Variants in CDH18 observed in about 807,000 individuals in gnomAD.
The protein encoded by CDH18 is cadherin-18.
In CDH18, 31 loss-of-function variants were observed where a neutral mutation model predicts 67.9. The observed-to-expected ratio is 0.46, with a 90% CI of 0.34 to 0.62. The LOEUF (loss-of-function observed/expected upper bound fraction) is 0.62. Ranked by LOEUF, CDH18 falls within the 20% of genes least tolerant of loss-of-function variation. The pLI is 0.01. For synonymous variants in CDH18, 362 were observed against 347.2 expected (o/e 1.04, Z -0.48); for missense variants, 890 against 975.5 (o/e 0.91, Z 1.17).
At chr5:20,100,298 A>G (rs1458802751) in intron 2 of CDH18, among the ~76,000 whole-genome samples, 1 of 152,162 alleles carries the variant, frequency 6.6e-6, no homozygotes, top group Non-Finnish European at 1.5e-5. Context: ...TTTTATTTTC[A>G]GAATTCCTCT....
At chr5:19,707,296 A>C (rs1044938778) in intron 5 of CDH18, among the ~76,000 whole-genome samples, 5 of 152,176 alleles carry the variant, frequency 3.3e-5, no homozygotes, top group African/African-American at 1.2e-4. Context: ...GGTGGAAGAA[A>C]ACCTGAGGAA....
intron 2 of CDH18, among the ~76,000 whole-genome samples, chr5:20,094,851 G>A (rs569833914): frequency 1.7e-4 from 26 of 152,138 alleles, no homozygotes; most frequent in South Asian, 1.5e-3. Flanking sequence ...AAAGACACAC[G>A]CACACATATA....
At chr5:19,543,730 T>A in intron 9 of CDH18, 139 bp downstream of exon 9, 1 of 488,086 alleles carries the variant, frequency 2.0e-6, no homozygotes, top group Non-Finnish European at 3.5e-6. Flanking sequence ...TAATGAGAAA[T>A]TATATCTAAT....
intron 2 of CDH18, among the ~76,000 whole-genome samples, chr5:19,953,504 T>G (rs1795991416): frequency 1.3e-5 from 2 of 152,048 alleles, no homozygotes; most frequent in South Asian, 4.1e-4. Context: ...ATGGGCATTA[T>G]TGGTAGGCAG....
intron 2 of CDH18, among the ~76,000 whole-genome samples, chr5:20,144,666 G>A (rs1383758073): frequency 2.0e-5 from 3 of 152,092 alleles, no homozygotes; most frequent in Non-Finnish European, 4.4e-5. Context: ...CATAAATTGG[G>A]GGGAGTCAAA....
chr5:19,489,410 G>C (rs1740965994), intron 11 of CDH18, among the ~76,000 whole-genome samples: 1 of 151,820 alleles, frequency 6.6e-6, no homozygotes, highest in African/African-American at 2.4e-5. Context: ...ACCACACCTG[G>C]CTAATGTTTT....
chr5:20,005,461 T>C (rs1398358394), intron 2 of CDH18, among the ~76,000 whole-genome samples: 1 of 149,782 alleles, frequency 6.7e-6, no homozygotes, highest in Non-Finnish European at 1.5e-5. Context: ...TTCCATGAAT[T>C]GATAAATTGA....
chr5:19,869,751 G>T (rs1786019216), intron 2 of CDH18, among the ~76,000 whole-genome samples: 1 of 151,930 alleles, frequency 6.6e-6, no homozygotes, highest in African/African-American at 2.4e-5. Flanking sequence ...CATTATTGGG[G>T]CTAAAGTATT....
intron 1 of CDH18, among the ~76,000 whole-genome samples, chr5:20,533,058 C>T (rs913861761): frequency 1.3e-5 from 2 of 151,876 alleles, no homozygotes; most frequent in African/African-American, 4.8e-5. Context: ...TAGGTTTGGC[C>T]GTATTAACTC....
At chr5:20,077,777 A>G (rs1411353761) in intron 2 of CDH18, among the ~76,000 whole-genome samples, 1 of 152,180 alleles carries the variant, frequency 6.6e-6, no homozygotes, top group Admixed American at 6.6e-5. Context: ...ATCTTACCAC[A>G]CTTACCATGA....
intron 1 of CDH18, among the ~76,000 whole-genome samples, chr5:20,508,882 G>C (rs1754831963): frequency 6.6e-6 from 1 of 151,858 alleles, no homozygotes; most frequent in Admixed American, 6.6e-5. Flanking sequence ...CCAAATAATA[G>C]AAACTTAACT....
At chr5:20,283,581 AT>A (rs1353040149) in intron 1 of CDH18, among the ~76,000 whole-genome samples, 1 of 152,102 alleles carries the variant, frequency 6.6e-6, no homozygotes, top group African/African-American at 2.4e-5. Flanking sequence ...AATGGCTTTT[AT>A]CCAAAAGACA....
intron 2 of CDH18, among the ~76,000 whole-genome samples, chr5:19,923,721 T>C (rs1792762732): frequency 6.6e-6 from 1 of 152,174 alleles, no homozygotes; most frequent in African/African-American, 2.4e-5. Flanking sequence ...ACAGACAGTG[T>C]GGTTATTTGT....
chr5:19,817,799 A>G (rs1779451416), intron 3 of CDH18, among the ~76,000 whole-genome samples: 1 of 152,094 alleles, frequency 6.6e-6, no homozygotes, highest in Non-Finnish European at 1.5e-5. Context: ...GCTCAAAAAC[A>G]TTTCCTGTGA....
rs533066882 is a variant in CDH18 at position 20,070,554 on chromosome 5, T to C, written c.-517-78540A>G. On this transcript the variant is annotated intron_variant, in intron 2 of 14. Transcript: ENST00000507958. ...ATTGAAAGAATGAGTGCCGAAGAAA[T>C]GGGCAAACAATTAATGGGGTGCTAT... is the stretch of plus-strand genomic sequence containing the variant. Among the ~76,000 whole-genome samples, 61 of 152,164 alleles carry C rather than the reference T, an allele frequency of 4.0e-4. No individual in the cohort carries two copies. In the Middle Eastern group the frequency reaches 0.01, roughly 25 times the overall value.
At chr5:19,611,954 G>T (rs1749033937) in intron 6 of CDH18, among the ~76,000 whole-genome samples, 1 of 144,020 alleles carries the variant, frequency 6.9e-6, no homozygotes, top group Admixed American at 6.8e-5. Flanking sequence ...TGATGCGTGT[G>T]TGTGTGTGTG....
At chr5:20,207,488 G>C (rs2126350180) in intron 2 of CDH18, among the ~76,000 whole-genome samples, 1 of 152,158 alleles carries the variant, frequency 6.6e-6, no homozygotes, top group East Asian at 1.9e-4. Context: ...GGGACTTACA[G>C]TTCCATGTGG....
At chr5:20,404,112 C>A (rs1356282476) in intron 1 of CDH18, among the ~76,000 whole-genome samples, 2 of 152,204 alleles carry the variant, frequency 1.3e-5, no homozygotes, top group African/African-American at 4.8e-5. Flanking sequence ...CTGCTGCTTT[C>A]TCACCTCTCT....
intron 2 of CDH18, among the ~76,000 whole-genome samples, chr5:20,152,337 T>C (rs534010524): frequency 6.7e-6 from 1 of 150,012 alleles, no homozygotes; most frequent in African/African-American, 2.4e-5. Context: ...TACATTTCTT[T>C]AAGACTTTCT....
Sources: allele counts gnomAD v4.1 joint callset (sites outside exome capture counted in the v4.1 genomes callset), GRCh38; gene constraint gnomAD v4.1.1; transcripts MANE v1.5; gene names NCBI Gene and HGNC (gene_info 2026-07-23, HGNC 2026-07-21).